TAOK3: variants seen among roughly 807,000 people sequenced by gnomAD.
The protein encoded by TAOK3 is TAO kinase 3.
A neutral mutation model predicts 120.4 loss-of-function variants in TAOK3; 40 were observed. The observed-to-expected ratio is 0.33, with a 90% CI of 0.26 to 0.43. The LOEUF (loss-of-function observed/expected upper bound fraction) is 0.43, where lower values mean the gene tolerates loss of function less well. Among genes scored for constraint, TAOK3 ranks in the 20% least tolerant of loss-of-function variants. TAOK3 has a pLI of 1.00. For missense variants in TAOK3, 821 were observed against 1,112.1 expected (o/e 0.74, Z 3.72); for synonymous variants, 355 against 387.5 (o/e 0.92, Z 0.99).
chr12:118,308,223 C>T (rs553659859), intron 1 of TAOK3, among the ~76,000 whole-genome samples: 2 of 151,918 alleles, frequency 1.3e-5, no homozygotes, highest in African/African-American at 2.4e-5. Flanking sequence ...ACAGATGCCA[C>T]GGCAACATCA....
chr12:118,217,863 A>C (rs1257436509), intron 9 of TAOK3, among the ~76,000 whole-genome samples: 9 of 49,230 alleles, frequency 1.8e-4, no homozygotes, highest in Non-Finnish European at 3.1e-4. Flanking sequence ...ATATATATAC[A>C]CTTTTTTTTT....
chr12:118,181,698 A>T lies in TAOK3; in HGVS notation c.1330-91T>A, dbSNP rs76691014. ...TAGAACGGCCCTGTGGCATAATTTT[A>T]TCCATCACCTTCACCATCAATTTAC... On this transcript the variant is annotated intron_variant, in intron 14 of 20. Transcript: ENST00000392533. The T allele has an allele frequency of 2.8e-3, 2,992 of 1,060,376 alleles. 52 individuals are homozygous for T. In the African/African-American group the frequency reaches 0.042, roughly 15 times the overall value. 65.7% of individuals were successfully genotyped at this position (1,060,376 alleles called of 1,614,324 possible). A position where few individuals can be genotyped will look rare whatever the true frequency, so the allele number is the denominator to read the frequency against.
chr12:118,239,283 TTAAAA>T lies in TAOK3; in HGVS notation c.295-16_295-12del. 1 of 1,462,326 alleles carries T rather than the reference TTAAAA, an allele frequency of 6.8e-7. No individual in the cohort carries two copies. Among genetic ancestry groups the T allele is most frequent in the Non-Finnish European group, 9.5e-7 (1 of 1,047,372 alleles). 90.6% of individuals were successfully genotyped at this position (1,462,326 alleles called of 1,614,324 possible). A position where few individuals can be genotyped will look rare whatever the true frequency, so the allele number is the denominator to read the frequency against. ...ATATTCCATCACCAACTATAAGAGA[TTAAAA>T]TAATATTCAGAATAATGAAAGTTAA... On this transcript the variant is annotated splice_polypyrimidine_tract_variant and intron_variant, in intron 5 of 20. Transcript: ENST00000392533.
intron 1 of TAOK3, among the ~76,000 whole-genome samples, chr12:118,297,534 C>T (rs1353787624): frequency 6.6e-6 from 1 of 152,188 alleles, no homozygotes; most frequent in African/African-American, 2.4e-5. Flanking sequence ...TGCCTTTTCT[C>T]CCTTGTAGTG....
intron 1 of TAOK3, among the ~76,000 whole-genome samples, chr12:118,274,380 A>C (rs1403160381): frequency 2.6e-5 from 4 of 152,206 alleles, no homozygotes; most frequent in Non-Finnish European, 4.4e-5. Flanking sequence ...AATAATGCAG[A>C]AGTAGCTGGG....
chr12:118,196,208 C>A (rs1274575391), intron 13 of TAOK3, among the ~76,000 whole-genome samples: 1 of 151,984 alleles, frequency 6.6e-6, no homozygotes, highest in Admixed American at 6.6e-5. Flanking sequence ...TTTCAGTGTC[C>A]CACTTTGCAT....
chr12:118,348,222 G>C (rs548526438), intron 1 of TAOK3, among the ~76,000 whole-genome samples: 1 of 152,166 alleles, frequency 6.6e-6, no homozygotes, highest in East Asian at 1.9e-4. Context: ...GAAAGTACCT[G>C]ACAGCTTCTT....
chr12:118,261,158 C>T (rs544497810), intron 2 of TAOK3, among the ~76,000 whole-genome samples: 44 of 152,282 alleles, frequency 2.9e-4, no homozygotes, highest in Middle Eastern at 6.8e-3. Flanking sequence ...ACCAAACCCA[C>T]GACCCAGAGC....
intron 1 of TAOK3, among the ~76,000 whole-genome samples, chr12:118,321,957 T>C (rs1161051197): frequency 6.6e-6 from 1 of 151,690 alleles, no homozygotes; most frequent in Non-Finnish European, 1.5e-5. Context: ...AATCCAGGAG[T>C]AAATTTAAAA....
At position 118,239,222 on chromosome 12, in the gene TAOK3, CT is replaced by C; in HGVS notation, c.340+4del. On this transcript the variant is annotated splice_donor_region_variant and intron_variant, in intron 6 of 20. Transcript: ENST00000392533. ...GAAAGGAGAGTTTAATTCCTTCTTT[CT>C]TACCTTCTAATAAATCAGAGGCTGA... 6.6e-7 allele frequency: 1 copy of C among 1,524,372 alleles called. No individual in the cohort carries two copies. The highest frequency in any genetic ancestry group is 9.1e-7 in the Non-Finnish European group (1 of 1,099,348). The allele number at this position is 1,524,372 out of a possible 1,614,324, so 94.4% of individuals were successfully genotyped here. A position where few individuals can be genotyped will look rare whatever the true frequency, so the allele number is the denominator to read the frequency against.
chr12:118,343,738 C>T (rs983674536), intron 1 of TAOK3, among the ~76,000 whole-genome samples: 2 of 151,970 alleles, frequency 1.3e-5, no homozygotes, highest in African/African-American at 4.8e-5. Context: ...AGAGGCTGGG[C>T]GCGGTGGCTC....
chr12:118,195,846 C>G (rs897027863), intron 13 of TAOK3, among the ~76,000 whole-genome samples: 1 of 151,970 alleles, frequency 6.6e-6, no homozygotes, highest in Non-Finnish European at 1.5e-5. Flanking sequence ...GTCAGGAGAT[C>G]GAGACCATCC....
intron 1 of TAOK3, among the ~76,000 whole-genome samples, chr12:118,337,024 C>A (rs2044396590): frequency 6.6e-6 from 1 of 152,094 alleles, no homozygotes. Flanking sequence ...TGCACCACTG[C>A]ACTCCAGCCT....
intron 15 of TAOK3, among the ~76,000 whole-genome samples, chr12:118,178,571 C>T (rs2036495472): frequency 6.6e-6 from 1 of 152,112 alleles, no homozygotes; most frequent in South Asian, 2.1e-4. Flanking sequence ...GATTCTCATG[C>T]CTCAGCCTCC....
At chr12:118,157,301 A>C (rs899722895) in intron 19 of TAOK3, among the ~76,000 whole-genome samples, 4 of 152,124 alleles carry the variant, frequency 2.6e-5, no homozygotes, top group Middle Eastern at 3.2e-3. Flanking sequence ...ATGGTTCAAA[A>C]ACACAAATCT....
intron 1 of TAOK3, among the ~76,000 whole-genome samples, chr12:118,368,836 G>GAA (rs544690573): frequency 1.5e-4 from 21 of 135,930 alleles, no homozygotes; most frequent in Middle Eastern, 3.8e-3. Flanking sequence ...AAAGTAAAAT[G>GAA]AAAAAAAAAA....
intron 14 of TAOK3, among the ~76,000 whole-genome samples, chr12:118,186,316 G>A (rs1227478513): frequency 6.6e-6 from 1 of 152,168 alleles, no homozygotes; most frequent in East Asian, 1.9e-4. Context: ...ATTAGGAAGA[G>A]GGGCAGTGAG....
At chr12:118,172,955 G>C (rs2036098259) in intron 16 of TAOK3, among the ~76,000 whole-genome samples, 1 of 152,158 alleles carries the variant, frequency 6.6e-6, no homozygotes, top group Non-Finnish European at 1.5e-5. Context: ...CAGTGTGCAA[G>C]ATACAGGACA....
At chr12:118,289,458 A>G (rs975330074) in intron 1 of TAOK3, among the ~76,000 whole-genome samples, 5 of 152,092 alleles carry the variant, frequency 3.3e-5, no homozygotes, top group African/African-American at 7.2e-5. Flanking sequence ...GTTTACAATT[A>G]TATTTGTCTA....
Sources: gnomAD v4.1 joint callset for allele counts (sites outside exome capture counted in the v4.1 genomes callset) on GRCh38, gnomAD v4.1.1 for gene constraint, MANE v1.5 for transcripts, NCBI Gene and HGNC (gene_info 2026-07-23, HGNC 2026-07-21) for gene names.